The following FAM107B variants were observed in gnomAD, a reference collection of about 807,000 sequenced individuals.
FAM107B encodes the protein family with sequence similarity 107 member B.
In FAM107B, 21 loss-of-function variants were observed where a neutral mutation model predicts 31.5. The observed-to-expected ratio is 0.67, with a 90% CI of 0.47 to 0.96. The LOEUF (loss-of-function observed/expected upper bound fraction) is 0.96, where lower values mean the gene tolerates loss of function less well. Among genes scored for constraint, FAM107B ranks in the 40% least tolerant of loss-of-function variants. The pLI, the probability that FAM107B is intolerant of heterozygous loss-of-function variation, is 0.00. For missense variants in FAM107B, 452 were observed against 377.1 expected, an observed-to-expected ratio of 1.20 and a Z score of -1.64; for synonymous variants, 157 against 141.5, an observed-to-expected ratio of 1.11 and a Z score of -0.78.
At chr10:14,691,149 C>T (rs3107802) in intron 1 of FAM107B, among the ~76,000 whole-genome samples, 56,052 of 151,810 alleles carry the variant, frequency 0.37, 10,468 homozygotes, top group East Asian at 0.46. Context: ...GATCCTCTCA[C>T]CTCAGCCTCC....
At chr10:14,738,755 A>C (rs1188684303) in intron 1 of FAM107B, among the ~76,000 whole-genome samples, 1 of 152,224 alleles carries the variant, frequency 6.6e-6, no homozygotes, top group African/African-American at 2.4e-5. Context: ...CATTACCCCA[A>C]CACATGGATC....
In FAM107B at chr10:14,526,810, C is replaced by CT. The variant is rs1265421230; in HGVS notation, c.653+3521dup. Among the ~76,000 whole-genome samples the CT allele has an allele frequency of 2.6e-5, 4 of 152,080 alleles. No homozygotes were observed. The East Asian group carries it at 5.8e-4, about 22-fold the overall frequency. ...AAGTAATCTTTGTAGAGCACAGAATCTATCTCTCTAAATAATATCAGAAAT... is the reference window on the plus strand; with the variant it reads ...AAGTAATCTTTGTAGAGCACAGAATCTTATCTCTCTAAATAATATCAGAAAT... On this transcript the variant is annotated intron_variant, in intron 3 of 4. Coordinates refer to ENST00000181796, the MANE Select transcript of FAM107B (RefSeq NM_031453.4).
intron 1 of FAM107B, among the ~76,000 whole-genome samples, chr10:14,693,856 A>T (rs904486015): frequency 1.3e-5 from 2 of 152,236 alleles, no homozygotes; most frequent in Non-Finnish European, 2.9e-5. Flanking sequence ...ACCATGTAAT[A>T]GTGTAAACAG....
At chr10:14,659,473 CAA>C in intron 2 of FAM107B, among the ~76,000 whole-genome samples, 1 of 132,790 alleles carries the variant, frequency 7.5e-6, no homozygotes, top group Non-Finnish European at 1.7e-5. Flanking sequence ...AACAAGCAAA[CAA>C]AAAACTGTCT....
At chr10:14,722,698 T>C (rs1311558498) in intron 1 of FAM107B, among the ~76,000 whole-genome samples, 1 of 152,208 alleles carries the variant, frequency 6.6e-6, no homozygotes, top group East Asian at 1.9e-4. Context: ...GAGTTCTCTA[T>C]ATATTCTAGA....
intron 2 of FAM107B, among the ~76,000 whole-genome samples, chr10:14,591,963 G>C (rs978632892): frequency 6.6e-6 from 1 of 152,134 alleles, no homozygotes; most frequent in Non-Finnish European, 1.5e-5. Flanking sequence ...TGGGGGTAAA[G>C]GAACTGTTCT....
intron 1 of FAM107B, among the ~76,000 whole-genome samples, chr10:14,720,460 G>A (rs987586407): frequency 6.6e-6 from 1 of 152,122 alleles, no homozygotes; most frequent in African/African-American, 2.4e-5. Context: ...TACCATGTTG[G>A]CCAGGCTGGT....
chr10:14,717,989 G>C (rs562729691), intron 1 of FAM107B, among the ~76,000 whole-genome samples: 3 of 152,280 alleles, frequency 2.0e-5, no homozygotes, highest in Admixed American at 1.3e-4. Context: ...GCTAACAAAA[G>C]ATCATGTTTT....
intron 2 of FAM107B, among the ~76,000 whole-genome samples, chr10:14,626,393 G>C (rs1305537082): frequency 6.6e-6 from 1 of 152,018 alleles, no homozygotes; most frequent in Non-Finnish European, 1.5e-5. Flanking sequence ...AGGTGCAAAA[G>C]AGCATACTCT....
chr10:14,581,394 G>C (rs937152658), intron 2 of FAM107B, among the ~76,000 whole-genome samples: 1 of 152,204 alleles, frequency 6.6e-6, no homozygotes, highest in African/African-American at 2.4e-5. Flanking sequence ...CCCGGGTCAG[G>C]CTCAGCCTCA....
At chr10:14,677,499 T>C (rs991551118) in intron 1 of FAM107B, among the ~76,000 whole-genome samples, 10 of 152,036 alleles carry the variant, frequency 6.6e-5, no homozygotes, top group South Asian at 4.1e-4. Context: ...TGGGCGCCTG[T>C]AGTCCCAGCT....
At chr10:14,763,033 G>GA (rs1409323080) in intron 1 of FAM107B, among the ~76,000 whole-genome samples, 2 of 151,878 alleles carry the variant, frequency 1.3e-5, no homozygotes, top group African/African-American at 4.8e-5. Context: ...GAGGCAGAGG[G>GA]AGGTGGATCC....
At chr10:14,754,823 C>T (rs574960007) in intron 1 of FAM107B, among the ~76,000 whole-genome samples, 48 of 152,292 alleles carry the variant, frequency 3.2e-4, no homozygotes, top group African/African-American at 1.2e-3. Flanking sequence ...TGCAACCATA[C>T]GGATAATTTT....
intron 1 of FAM107B, among the ~76,000 whole-genome samples, chr10:14,721,081 G>A (rs887876881): frequency 6.6e-6 from 1 of 152,056 alleles, no homozygotes; most frequent in African/African-American, 2.4e-5. Flanking sequence ...ACCCATGAGT[G>A]AGAACATGCG....
At chr10:14,612,441 A>G (rs1356331168) in intron 2 of FAM107B, 4 of 152,232 alleles carry the variant, frequency 2.6e-5, no homozygotes, top group Admixed American at 2.6e-4. Context: ...TTCGTCTCTC[A>G]GTTGCCATCA....
intron 1 of FAM107B, among the ~76,000 whole-genome samples, chr10:14,772,378 T>TAC (rs1358335901): frequency 1.4e-4 from 21 of 151,380 alleles, no homozygotes; most frequent in African/African-American, 5.1e-4. Context: ...TATATATATA[T>TAC]ATGCACCTCA....
chr10:14,544,757 T>C (rs903636326), intron 2 of FAM107B, among the ~76,000 whole-genome samples: 15 of 152,204 alleles, frequency 9.9e-5, no homozygotes, highest in African/African-American at 3.4e-4. Context: ...ATGGAAGCCA[T>C]TTAAATATCT....
At chr10:14,718,645 A>G (rs1011978423) in intron 1 of FAM107B, among the ~76,000 whole-genome samples, 5 of 152,232 alleles carry the variant, frequency 3.3e-5, no homozygotes, top group Non-Finnish European at 5.9e-5. Flanking sequence ...CAACCAACTG[A>G]AGATGAGACC....
At chr10:14,612,433 C>G (rs1168466508) in intron 2 of FAM107B, 1 of 152,192 alleles carries the variant, frequency 6.6e-6, no homozygotes, top group African/African-American at 2.4e-5. Context: ...TCTCCTTGTT[C>G]GTCTCTCAGT....
Sources: gnomAD v4.1 joint callset for allele counts (sites outside exome capture counted in the v4.1 genomes callset) on GRCh38, gnomAD v4.1.1 for gene constraint, MANE v1.5 for transcripts, NCBI Gene and HGNC (gene_info 2026-07-23, HGNC 2026-07-21) for gene names.